The following AFG2A variants were observed in gnomAD, a reference collection of about 807,000 sequenced individuals.
The protein encoded by AFG2A is AAA ATPase AFG2A.
At chr4:123,044,944 CT>C in the AFG2A span, among the ~76,000 whole-genome samples, 1 of 151,796 alleles carries the variant, frequency 6.6e-6, no homozygotes. Context: ...TGTTTTCTAT[CT>C]TTTCCTCATA....
At chr4:123,225,644 T>C in the AFG2A span, among the ~76,000 whole-genome samples, 31 of 152,362 alleles carry the variant, frequency 2.0e-4, no homozygotes, top group Admixed American at 3.3e-4. Context: ...TCAGGTAGCA[T>C]GATGCCTCCA....
chr4:122,936,131 C>G, the AFG2A span: 1 of 1,604,714 alleles, frequency 6.2e-7, no homozygotes, highest in Non-Finnish European at 8.5e-7. Context: ...AAAGTTACGT[C>G]AGATATTTGC....
At chr4:123,162,757 C>A in the AFG2A span, among the ~76,000 whole-genome samples, 7 of 152,072 alleles carry the variant, frequency 4.6e-5, no homozygotes, top group Non-Finnish European at 1.5e-5. Context: ...TGACATCAGG[C>A]ATACCCAAAT....
chr4:123,237,639 C>T, the AFG2A span, among the ~76,000 whole-genome samples: 1 of 143,246 alleles, frequency 7.0e-6, no homozygotes. Context: ...TGCCACTGCA[C>T]TCCAGCCTGG....
At chr4:123,032,707 C>T in the AFG2A span, among the ~76,000 whole-genome samples, 3 of 152,208 alleles carry the variant, frequency 2.0e-5, no homozygotes, top group Non-Finnish European at 4.4e-5. Context: ...AGCCACCACG[C>T]CAGGCCCAAA....
the AFG2A span, among the ~76,000 whole-genome samples, chr4:123,055,193 A>G: frequency 6.6e-6 from 1 of 152,210 alleles, no homozygotes; most frequent in Non-Finnish European, 1.5e-5. Flanking sequence ...AACTCAGCGT[A>G]AAGACCTTAA....
chr4:123,230,244 A>T, the AFG2A span, among the ~76,000 whole-genome samples: 1 of 151,996 alleles, frequency 6.6e-6, no homozygotes, highest in Admixed American at 6.6e-5. Flanking sequence ...TTAAAACTGG[A>T]GTCAATTCTC....
the AFG2A span, among the ~76,000 whole-genome samples, chr4:122,969,943 A>G: frequency 2.0e-5 from 3 of 152,224 alleles, no homozygotes; most frequent in Non-Finnish European, 2.9e-5. Flanking sequence ...TATATACTAC[A>G]GTGGCTCTGT....
At chr4:123,039,759 T>C in the AFG2A span, among the ~76,000 whole-genome samples, 1 of 151,918 alleles carries the variant, frequency 6.6e-6, no homozygotes, top group Non-Finnish European at 1.5e-5. Context: ...GGTGAAATTA[T>C]GCAGAATGAT....
the AFG2A span, among the ~76,000 whole-genome samples, chr4:123,291,096 G>A: frequency 5.0e-4 from 76 of 152,090 alleles, 1 homozygote; most frequent in South Asian, 0.015. Flanking sequence ...TACTATTATT[G>A]ATTTAAACTG....
At chr4:123,261,655 C>T in the AFG2A span, among the ~76,000 whole-genome samples, 27 of 152,228 alleles carry the variant, frequency 1.8e-4, no homozygotes, top group African/African-American at 5.8e-4. Context: ...TTTCCTTACA[C>T]GACCTACTGA....
chr4:123,222,477 C>G, the AFG2A span, among the ~76,000 whole-genome samples: 2 of 152,060 alleles, frequency 1.3e-5, no homozygotes, highest in African/African-American at 2.4e-5. Context: ...CAAGGCATAG[C>G]ATGATAAAAT....
the AFG2A span, among the ~76,000 whole-genome samples, chr4:122,984,401 A>C: frequency 6.6e-6 from 1 of 152,158 alleles, no homozygotes. Flanking sequence ...TATCGTCAGC[A>C]GTGACAGTTT....
the AFG2A span, among the ~76,000 whole-genome samples, chr4:123,183,013 T>G: frequency 6.6e-6 from 1 of 152,214 alleles, no homozygotes; most frequent in Non-Finnish European, 1.5e-5. Context: ...AATCACCAGA[T>G]AAGCTTTGAA....
At chr4:123,090,535 G>T in the AFG2A span, 4 of 1,604,494 alleles carry the variant, frequency 2.5e-6, no homozygotes, top group Non-Finnish European at 3.4e-6. Flanking sequence ...AATAGTATTT[G>T]AAGATAAGTA....
chr4:123,170,418 A>G, the AFG2A span, among the ~76,000 whole-genome samples: 1 of 152,222 alleles, frequency 6.6e-6, no homozygotes, highest in African/African-American at 2.4e-5. Context: ...GGAGATAAGT[A>G]TAACAGTTTA....
the AFG2A span, among the ~76,000 whole-genome samples, chr4:123,093,615 C>G: frequency 3.3e-5 from 5 of 152,166 alleles, no homozygotes; most frequent in African/African-American, 7.2e-5. Flanking sequence ...CTTATTCCCC[C>G]CTCAGAGATT....
the AFG2A span, among the ~76,000 whole-genome samples, chr4:122,989,559 G>T: frequency 2.0e-5 from 3 of 152,158 alleles, no homozygotes; most frequent in Non-Finnish European, 4.4e-5. Flanking sequence ...GGTGGGTCTA[G>T]AGCCTGAGAC....
At chr4:123,192,748 C>G in the AFG2A span, among the ~76,000 whole-genome samples, 1 of 152,200 alleles carries the variant, frequency 6.6e-6, no homozygotes, top group Non-Finnish European at 1.5e-5. Flanking sequence ...AGTCAGCTGC[C>G]TTCCTATTCC....
Sources: allele counts gnomAD v4.1 joint callset (sites outside exome capture counted in the v4.1 genomes callset), GRCh38; gene constraint gnomAD v4.1.1; transcripts MANE v1.5; gene names NCBI Gene and HGNC (gene_info 2026-07-23, HGNC 2026-07-21).